The following MGAT4C variants were observed in gnomAD, a reference collection of about 807,000 sequenced individuals.
The protein encoded by MGAT4C is MGAT4 family member C.
MGAT4C carries 19 observed loss-of-function variants against 40.1 expected under a neutral mutation model. The observed-to-expected ratio is 0.47, with a 90% CI of 0.33 to 0.70. The LOEUF (loss-of-function observed/expected upper bound fraction) is 0.70. MGAT4C is among the 30% of genes least tolerant of loss of function. The pLI, the probability that MGAT4C is intolerant of heterozygous loss-of-function variation, is 0.02. For missense variants in MGAT4C, 491 were observed against 563.2 expected, an observed-to-expected ratio of 0.87 and a Z score of 1.30; for synonymous variants, 181 against 187.1, an observed-to-expected ratio of 0.97 and a Z score of 0.27.
chr12:86,035,541 G>A (rs12367160), intron 2 of MGAT4C, among the ~76,000 whole-genome samples: 32,335 of 149,272 alleles, frequency 0.22, 6,093 homozygotes, highest in Non-Finnish European at 0.31. Flanking sequence ...GTTCACTATG[G>A]TGATAGTTTC....
chr12:86,645,996 A>C (rs957686774), intron 2 of MGAT4C, among the ~76,000 whole-genome samples: 2 of 151,930 alleles, frequency 1.3e-5, no homozygotes, highest in Admixed American at 6.6e-5. Context: ...AAAATGAATA[A>C]AAATATTTTT....
rs1878612677 is a variant in MGAT4C at position 86,117,402 on chromosome 12, C to G, written c.-56-67679G>C. ...AAAAAGCACTTTTCCATTTCTTATGCCATAAGGACATCTGGAGCTGCTCTT... is the reference window on the plus strand; with the variant it reads ...AAAAAGCACTTTTCCATTTCTTATGGCATAAGGACATCTGGAGCTGCTCTT... On this transcript the variant is annotated intron_variant, in intron 1 of 4. Coordinates refer to ENST00000611864, the MANE Select transcript of MGAT4C (RefSeq NM_001351288.2). Among the ~76,000 whole-genome samples the G allele has an allele frequency of 1.3e-5, 2 of 152,082 alleles. 1 individual carries two copies. The highest frequency in any genetic ancestry group is 2.9e-5 in the Non-Finnish European group (2 of 68,012).
rs888908159 is a variant in MGAT4C, at chr12:86,008,794, G to C, written c.-6-19242C>G. Reference sequence around the variant, plus strand: ...GGACATTTGCTTCTATTCCTGGATTGATAAGGTTTGATATTGAGAATAAGT... The same window carrying C: ...GGACATTTGCTTCTATTCCTGGATTCATAAGGTTTGATATTGAGAATAAGT... On this transcript the variant is annotated intron_variant, in intron 2 of 4. Coordinates refer to ENST00000611864, the MANE Select transcript of MGAT4C (RefSeq NM_001351288.2). Among the ~76,000 whole-genome samples the C allele has an allele frequency of 8.5e-4, 129 of 152,074 alleles. 2 individuals carry two copies. Among genetic ancestry groups the C allele is most frequent in the Admixed American group, 2.6e-4 (4 of 15,258 alleles).
intron 2 of MGAT4C, among the ~76,000 whole-genome samples, chr12:86,500,670 T>C (rs1011365838): frequency 1.7e-4 from 26 of 152,106 alleles, no homozygotes; most frequent in African/African-American, 6.3e-4. Flanking sequence ...AATCCACCAA[T>C]TTATGCAAAC....
intron 2 of MGAT4C, among the ~76,000 whole-genome samples, chr12:86,725,710 G>A (rs752783042): frequency 3.3e-5 from 5 of 151,932 alleles, no homozygotes; most frequent in Non-Finnish European, 5.9e-5. Flanking sequence ...AAATCTGCCC[G>A]CCTTGGACTC....
chr12:85,957,690 A>T lies in MGAT4C; in HGVS notation c.*21599T>A, dbSNP rs1882881004. The T allele has an allele frequency of 6.6e-6, 1 of 151,876 alleles. No individual in the cohort carries two copies. Among genetic ancestry groups the T allele is most frequent in the Non-Finnish European group, 1.5e-5 (1 of 67,946 alleles). 9.4% of individuals were successfully genotyped at this position (151,876 alleles called of 1,614,324 possible). A position where few individuals can be genotyped will look rare whatever the true frequency, so the allele number is the denominator to read the frequency against. On this transcript the variant is annotated 3_prime_UTR_variant, in exon 5 of 5. Transcript: ENST00000611864. ...AAAAAAAAAGAAAAAAGAAAAAAAA[A>T]ATCTATCAATCCTGAAAAGAGTGAA...
chr12:86,165,681 C>T (rs964405050), intron 1 of MGAT4C, among the ~76,000 whole-genome samples: 5 of 152,028 alleles, frequency 3.3e-5, no homozygotes, highest in Admixed American at 2.0e-4. Flanking sequence ...GGAATTTTAA[C>T]TGAAATCAAT....
At chr12:86,157,739 A>C (rs1395286837) in intron 1 of MGAT4C, among the ~76,000 whole-genome samples, 1 of 152,166 alleles carries the variant, frequency 6.6e-6, no homozygotes, top group East Asian at 1.9e-4. Context: ...GGAGAGAGAG[A>C]GTGGGCGAAG....
At chr12:86,732,417 A>G (rs1950925823) in intron 1 of MGAT4C, among the ~76,000 whole-genome samples, 1 of 152,174 alleles carries the variant, frequency 6.6e-6, no homozygotes, top group Non-Finnish European at 1.5e-5. Context: ...TACATAATGA[A>G]ATAATTATGT....
chr12:86,021,530 T>C (rs1437027088), intron 2 of MGAT4C, among the ~76,000 whole-genome samples: 2 of 138,184 alleles, frequency 1.4e-5, no homozygotes, highest in African/African-American at 2.7e-5. Context: ...TAGGTGGGAA[T>C]TGAACAATGA....
rs1244427904 is a variant in MGAT4C at position 85,956,714 on chromosome 12, G to A, written c.*22575C>T. 2.6e-5 allele frequency: 4 copies of A among 152,138 alleles called. No individual in the cohort carries two copies. The highest frequency in any genetic ancestry group is 5.9e-5 in the Non-Finnish European group (4 of 68,000). The allele number at this position is 152,138 out of a possible 1,614,324, so 9.4% of individuals were successfully genotyped here. A position where few individuals can be genotyped will look rare whatever the true frequency, so the allele number is the denominator to read the frequency against. ...ACCACATAATTAGTCAATAAATCAT[G>A]AGCCCAAAGTCTATCCTCAACCAAT... On this transcript the variant is annotated 3_prime_UTR_variant, in exon 5 of 5. Transcript: ENST00000611864.
intron 4 of MGAT4C, among the ~76,000 whole-genome samples, chr12:86,267,954 A>AGAAATAGGT (rs1168548966): frequency 2.2e-4 from 33 of 152,148 alleles, no homozygotes; most frequent in Admixed American, 1.1e-3. Context: ...GCAGTAGGAC[A>AGAAATAGGT]GAAATAGGTT....
chr12:86,751,870 T>A (rs1430902877), intron 1 of MGAT4C, among the ~76,000 whole-genome samples: 1 of 152,030 alleles, frequency 6.6e-6, no homozygotes, highest in African/African-American at 2.4e-5. Flanking sequence ...TAGAAGAGTA[T>A]ATTGCAAAAT....
intron 3 of MGAT4C, among the ~76,000 whole-genome samples, chr12:86,401,372 A>G (rs1287083710): frequency 6.6e-6 from 1 of 151,894 alleles, no homozygotes; most frequent in Non-Finnish European, 1.5e-5. Context: ...TTAATGGCAG[A>G]GTAAAAAGCC....
intron 1 of MGAT4C, among the ~76,000 whole-genome samples, chr12:86,125,905 AT>A (rs535367420): frequency 6.6e-5 from 10 of 151,784 alleles, no homozygotes; most frequent in East Asian, 1.9e-4. Flanking sequence ...GGAAATCAGA[AT>A]TTTTTTTCAT....
Position 86,174,997 on chromosome 12 carries a change from G to T in MGAT4C, c.-57+81242C>A, listed in dbSNP as rs563820080. 1.1e-4 allele frequency among the ~76,000 whole-genome samples: 17 copies of T among 152,072 alleles called. No individual in the cohort carries two copies. In the East Asian group the frequency reaches 3.1e-3, roughly 28 times the overall value. On this transcript the variant is annotated intron_variant, in intron 1 of 4. Coordinates refer to ENST00000611864, the MANE Select transcript of MGAT4C (RefSeq NM_001351288.2). ...GATATATCTGCTGATAAATAGAATT[G>T]CCATGTATAGCATAAATTTCTATAT...
intron 4 of MGAT4C, among the ~76,000 whole-genome samples, chr12:86,291,397 G>A (rs553631289): frequency 6.6e-6 from 1 of 152,298 alleles, no homozygotes; most frequent in South Asian, 2.1e-4. Flanking sequence ...AAGCATGGAG[G>A]ATGAGAAGAA....
chr12:86,791,826 A>G (rs10745432), intron 1 of MGAT4C, among the ~76,000 whole-genome samples: 113,284 of 151,964 alleles, frequency 0.75, 43,160 homozygotes, highest in South Asian at 0.84. Flanking sequence ...CTGAAAAGAA[A>G]CATCCAGATG....
chr12:86,747,429 A>G (rs1211540425), intron 1 of MGAT4C, among the ~76,000 whole-genome samples: 2 of 151,608 alleles, frequency 1.3e-5, no homozygotes, highest in African/African-American at 2.4e-5. Context: ...AGGTTGTTAT[A>G]ATTCATATTA....
Sources: allele counts gnomAD v4.1 joint callset (sites outside exome capture counted in the v4.1 genomes callset), GRCh38; gene constraint gnomAD v4.1.1; transcripts MANE v1.5; gene names NCBI Gene and HGNC (gene_info 2026-07-23, HGNC 2026-07-21).